Variants in PLCE1 observed in about 807,000 individuals in gnomAD.
PLCE1 encodes phospholipase C epsilon 1.
Under a neutral mutation model 242.8 loss-of-function variants are expected in PLCE1, and 119 were observed. The ratio of observed to expected loss-of-function variants is 0.49; its 90% CI spans 0.42 to 0.57. PLCE1 has a LOEUF of 0.57. PLCE1 is among the 20% of genes least tolerant of loss of function. The probability of loss-of-function intolerance (pLI) is 0.00; values close to 1 mark genes in which losing one functional copy is unlikely to be tolerated. For missense variants in PLCE1, 2,441 were observed against 2,788.8 expected (o/e 0.88, Z 2.81); for synonymous variants, 945 against 1,017.4 (o/e 0.93, Z 1.35).
chr10:94,246,498 A>C lies in PLCE1; in HGVS notation c.2973A>C (p.Pro991=). 2 of 1,614,204 alleles carry C rather than the reference A, an allele frequency of 1.2e-6. No individual in the cohort carries two copies. The highest frequency in any genetic ancestry group is 1.7e-6 in the Non-Finnish European group (2 of 1,180,008). ...ACAGATTATTGCACTTCGTGGCACC[A>C]AAGCACACAGCTAAAATGCTCTTCA... is the stretch of plus-strand genomic sequence containing the variant. The part of the protein sequence containing the change: ...TDNRLLHFVA[P]KHTAKMLFSG... The change falls in exon 8 of 33, where the codon CCA becomes CCC. Residue 991 remains proline, a synonymous_variant. Coordinates refer to ENST00000371380, the MANE Select transcript of PLCE1 (RefSeq NM_016341.4).
intron 2 of PLCE1, among the ~76,000 whole-genome samples, chr10:94,111,870 C>A (rs543575144): frequency 3.3e-4 from 50 of 152,166 alleles, no homozygotes; most frequent in African/African-American, 1.1e-3. Flanking sequence ...GTAGTGCCGC[C>A]GAAGGTTTAT....
At chr10:94,050,638 C>A (rs541502427) in intron 2 of PLCE1, among the ~76,000 whole-genome samples, 1 of 152,102 alleles carries the variant, frequency 6.6e-6, no homozygotes, top group South Asian at 2.1e-4. Context: ...GGGCATCTAA[C>A]CTTGTAGCTT....
Position 94,262,535 on chromosome 10 carries a change from A to G in PLCE1, c.3856A>G (p.Lys1286Glu), listed in dbSNP as rs747256450. ...RNVSDLGLFIKSKQQLSDNQR... is the reference protein window; with the variant it reads ...RNVSDLGLFIESKQQLSDNQR... ...TGTCTCGGATTTGGGGTTGTTCATT[A>G]AGAGTAAACAGCAGCTATCGGACAA... Residue 1286 changes from lysine to glutamate, a missense_variant, in exon 14 of 33, where the codon AAG (lysine) becomes GAG (glutamate). Transcript: ENST00000371380. The G allele has an allele frequency of 7.4e-6, 12 of 1,613,994 alleles. No homozygotes were observed. The highest frequency in any genetic ancestry group is 1.7e-6 in the Non-Finnish European group (2 of 1,179,860).
intron 3 of PLCE1, among the ~76,000 whole-genome samples, chr10:94,157,351 T>A: frequency 6.6e-6 from 1 of 152,182 alleles, no homozygotes; most frequent in Admixed American, 6.5e-5. Flanking sequence ...CATTACATGC[T>A]TTTTCTTGTT....
chr10:94,091,580 A>G (rs1014967127), intron 2 of PLCE1, among the ~76,000 whole-genome samples: 1 of 152,170 alleles, frequency 6.6e-6, no homozygotes, highest in East Asian at 1.9e-4. Flanking sequence ...AGACAGGGGT[A>G]TAAAGAAAAA....
At chr10:94,113,869 A>G (rs768888707) in intron 2 of PLCE1, among the ~76,000 whole-genome samples, 4 of 152,104 alleles carry the variant, frequency 2.6e-5, no homozygotes, top group Non-Finnish European at 5.9e-5. Context: ...GTTACTGAGG[A>G]ACTCCCTTGA....
At chr10:93,996,417 G>C (rs558501235) in intron 1 of PLCE1, among the ~76,000 whole-genome samples, 4 of 152,186 alleles carry the variant, frequency 2.6e-5, no homozygotes, top group African/African-American at 9.6e-5. Flanking sequence ...CAGGTGATTA[G>C]GAAACATGGT....
intron 10 of PLCE1, 117 bp downstream of exon 10, chr10:94,254,424 T>C: frequency 1.3e-6 from 1 of 765,074 alleles, no homozygotes; most frequent in Non-Finnish European, 2.3e-6. Flanking sequence ...CAAAACTCTT[T>C]GTCCTAACCA....
chr10:94,301,375 T>C (rs1483981003), intron 24 of PLCE1, among the ~76,000 whole-genome samples: 1 of 151,570 alleles, frequency 6.6e-6, no homozygotes, highest in Non-Finnish European at 1.5e-5. Flanking sequence ...ATTATATATA[T>C]AGATAGATAG....
At chr10:94,133,654 T>C (rs536594021) in intron 3 of PLCE1, among the ~76,000 whole-genome samples, 1 of 152,318 alleles carries the variant, frequency 6.6e-6, no homozygotes, top group South Asian at 2.1e-4. Context: ...AACCTCCTTG[T>C]GTACTATGTT....
intron 27 of PLCE1, among the ~76,000 whole-genome samples, chr10:94,311,036 TCAGAA>T (rs570242872): frequency 1.2e-4 from 19 of 152,256 alleles, no homozygotes; most frequent in African/African-American, 4.6e-4. Context: ...CACCAGTTGA[TCAGAA>T]CAGATGTACT....
intron 2 of PLCE1, among the ~76,000 whole-genome samples, chr10:94,073,491 G>A (rs556633229): frequency 1.3e-5 from 2 of 152,314 alleles, no homozygotes; most frequent in East Asian, 3.9e-4. Context: ...AGGTGGAAGG[G>A]TGAAGATACG....
At chr10:94,317,493 T>G (rs1228101697) in intron 29 of PLCE1, among the ~76,000 whole-genome samples, 1 of 152,182 alleles carries the variant, frequency 6.6e-6, no homozygotes, top group African/African-American at 2.4e-5. Context: ...CAGTTTTAGC[T>G]AATAGAAGTT....
intron 4 of PLCE1, among the ~76,000 whole-genome samples, chr10:94,213,961 C>T (rs545785684): frequency 5.0e-4 from 76 of 152,108 alleles, no homozygotes; most frequent in African/African-American, 1.6e-3. Context: ...CTTATGATAC[C>T]GGGCATTTTA....
At position 94,328,257 on chromosome 10, in the gene PLCE1, T is replaced by C. The variant is rs546283067; in HGVS notation, c.*314T>C. On this transcript the variant is annotated 3_prime_UTR_variant, in exon 33 of 33. Transcript: ENST00000371380. ...TGTCTGTAAAGGGCCAAACAGTAAA[T>C]ATTTTAGGGCTGGGGGCCATAAAAT... 7 of 225,472 alleles carry C rather than the reference T, an allele frequency of 3.1e-5. No individual in the cohort carries two copies. The South Asian group carries it at 4.1e-4, about 13-fold the overall frequency. The allele number at this position is 225,472 out of a possible 1,614,324, so 14.0% of individuals were successfully genotyped here.
intron 2 of PLCE1, among the ~76,000 whole-genome samples, chr10:94,070,044 G>A (rs916126024): frequency 6.6e-5 from 10 of 152,100 alleles, no homozygotes; most frequent in East Asian, 5.8e-4. Context: ...GTTTTAAAGC[G>A]TGCTTATCAA....
intron 4 of PLCE1, among the ~76,000 whole-genome samples, chr10:94,172,165 A>G (rs987736947): frequency 6.6e-6 from 1 of 152,172 alleles, no homozygotes; most frequent in African/African-American, 2.4e-5. Flanking sequence ...TGGGAGATCA[A>G]GAGCCACTGG....
At chr10:94,158,755 G>A (rs2047509941) in intron 3 of PLCE1, among the ~76,000 whole-genome samples, 1 of 151,386 alleles carries the variant, frequency 6.6e-6, no homozygotes, top group Non-Finnish European at 1.5e-5. Context: ...TGTGAATATT[G>A]TGTGTGTTTA....
chr10:94,236,141 G>A (rs952140476), intron 7 of PLCE1, 21 bp downstream of exon 7: 2 of 1,593,654 alleles, frequency 1.3e-6, no homozygotes, highest in East Asian at 2.2e-5. Flanking sequence ...CACGTTAAAA[G>A]TGAGGAATGC....
Sources: allele counts gnomAD v4.1 joint callset (sites outside exome capture counted in the v4.1 genomes callset), GRCh38; gene constraint gnomAD v4.1.1; transcripts MANE v1.5; gene names NCBI Gene and HGNC (gene_info 2026-07-23, HGNC 2026-07-21).